The following RAB9B variants were observed in gnomAD, a reference collection of about 807,000 sequenced individuals.
RAB9B encodes ras-related protein Rab-9B.
In RAB9B, 1 loss-of-function variant was observed where a neutral mutation model predicts 8.9. That is an observed-to-expected ratio of 0.11 (90% CI 0.04 to 0.53). RAB9B has a LOEUF of 0.53. Among genes scored for constraint, RAB9B ranks in the 20% least tolerant of loss-of-function variants. The probability of loss-of-function intolerance (pLI) is 0.93; values close to 1 mark genes in which losing one functional copy is unlikely to be tolerated. For synonymous variants in RAB9B, 63 were observed against 57.0 expected (o/e 1.10, Z -0.47); for missense variants, 82 against 152.9 (o/e 0.54, Z 2.45).
the RAB9B span, among the ~76,000 whole-genome samples, chrX:103,788,276 T>C: frequency 8.9e-6 from 1 of 111,961 alleles, no homozygotes; most frequent in African/African-American, 3.2e-5. Context: ...TACCACCTTC[T>C]CTTTTTTGTA....
chrX:103,811,756 A>G, the RAB9B span, among the ~76,000 whole-genome samples: 5 of 111,248 alleles, frequency 4.5e-5, no homozygotes, highest in African/African-American at 1.3e-4. Context: ...TAATAACAAA[A>G]GCTAATGACT....
intron 1 of RAB9B, among the ~76,000 whole-genome samples, chrX:103,828,850 T>C (rs980902211): frequency 1.8e-5 from 2 of 112,049 alleles, no homozygotes; most frequent in African/African-American, 6.5e-5. Context: ...TGTGGTTCAG[T>C]GTCAAGAGCA....
the RAB9B span, chrX:103,790,443 A>G: frequency 2.9e-6 from 2 of 685,244 alleles, no homozygotes; most frequent in African/African-American, 4.3e-5. Flanking sequence ...TTTTATTTCT[A>G]CCCTTCCTCA....
the RAB9B span, among the ~76,000 whole-genome samples, chrX:103,783,451 G>C: frequency 8.9e-6 from 1 of 112,270 alleles, no homozygotes; most frequent in Non-Finnish European, 1.9e-5. Flanking sequence ...TGTTTGGCTT[G>C]GGCTTCTGAG....
At chrX:103,831,744 C>T (rs934627566) in intron 1 of RAB9B, among the ~76,000 whole-genome samples, 2 of 109,773 alleles carry the variant, frequency 1.8e-5, no homozygotes, top group Non-Finnish European at 3.8e-5. Flanking sequence ...CCCAGGTCCT[C>T]TCACCTCACC....
chrX:103,819,297 G>A (rs191491280), downstream of RAB9B, among the ~76,000 whole-genome samples: 87 of 111,943 alleles, frequency 7.8e-4, no homozygotes, highest in South Asian at 1.5e-3. Flanking sequence ...GTGTTATAGT[G>A]AGACCATTAT....
At chrX:103,813,771 A>AAAAAAAAG in the RAB9B span, among the ~76,000 whole-genome samples, 5 of 104,337 alleles carry the variant, frequency 4.8e-5, no homozygotes, top group Non-Finnish European at 9.8e-5. Context: ...AAAAAAAAAA[A>AAAAAAAAG]GCAGGAGTGG....
chrX:103,795,575 A>T, the RAB9B span, among the ~76,000 whole-genome samples: 1 of 112,215 alleles, frequency 8.9e-6, no homozygotes, highest in African/African-American at 3.2e-5. Context: ...GACCAACTTT[A>T]AAAAACAACA....
the RAB9B span, among the ~76,000 whole-genome samples, chrX:103,816,113 G>A: frequency 2.7e-5 from 3 of 111,392 alleles, no homozygotes; most frequent in African/African-American, 9.8e-5. Context: ...AAAAGAGCTC[G>A]CATAGCCAAG....
the RAB9B span, among the ~76,000 whole-genome samples, chrX:103,810,852 C>G: frequency 4.5e-5 from 5 of 112,165 alleles, no homozygotes; most frequent in Non-Finnish European, 9.4e-5. Context: ...CAAACAGTAC[C>G]TGACGCTGGG....
downstream of RAB9B, among the ~76,000 whole-genome samples, chrX:103,819,545 A>G (rs1282822084): frequency 9.0e-6 from 1 of 111,622 alleles, no homozygotes; most frequent in African/African-American, 3.3e-5. Flanking sequence ...GCTTATTTTC[A>G]CTGGGAAAAT....
the RAB9B span, among the ~76,000 whole-genome samples, chrX:103,785,369 G>T: frequency 8.9e-6 from 1 of 112,543 alleles, no homozygotes; most frequent in Non-Finnish European, 1.9e-5. Context: ...GAGCCACCGT[G>T]CCCGGCCAAA....
chrX:103,831,296 A>G (rs1239747548), intron 1 of RAB9B, among the ~76,000 whole-genome samples: 7 of 106,855 alleles, frequency 6.6e-5, no homozygotes, highest in African/African-American at 2.4e-4. Flanking sequence ...TAGCGCGGAA[A>G]CCCTCTGACG....
chrX:103,784,558 G>A, the RAB9B span, among the ~76,000 whole-genome samples: 1 of 111,928 alleles, frequency 8.9e-6, no homozygotes, highest in Non-Finnish European at 1.9e-5. Context: ...TGTAAACTAA[G>A]AAGAATCAAG....
rs896876243 is a variant in RAB9B at position 103,822,768 on chromosome X, G to C, written c.*2411C>G. 4.5e-5 allele frequency: 5 copies of C among 111,409 alleles called. No homozygotes were observed. The East Asian group carries it at 1.4e-3, about 31-fold the overall frequency. The allele number at this position is 111,409 out of a possible 1,213,427, so 9.2% of individuals were successfully genotyped here. On this transcript the variant is annotated 3_prime_UTR_variant, in exon 3 of 3. Coordinates refer to ENST00000243298, the MANE Select transcript of RAB9B (RefSeq NM_016370.4). ...TGGTACTCACAGATTTCAGCCTTTG[G>C]TGTTTTTTAATCTTACCCAAACTGT...
At chrX:103,780,437 CTCTGTGTGTGTG>C in the RAB9B span, among the ~76,000 whole-genome samples, 3 of 87,835 alleles carry the variant, frequency 3.4e-5, no homozygotes, top group African/African-American at 1.2e-4. Flanking sequence ...TTCTGTCTCT[CTCTGTGTGTGTG>C]TGTGTGTGTG....
chrX:103,782,279 C>T, the RAB9B span, among the ~76,000 whole-genome samples: 1 of 112,154 alleles, frequency 8.9e-6, no homozygotes, highest in Non-Finnish European at 1.9e-5. Context: ...TATCTAAAGT[C>T]ATTTATTTCA....
At chrX:103,827,458 G>A (rs1051424995) in intron 1 of RAB9B, among the ~76,000 whole-genome samples, 4 of 111,303 alleles carry the variant, frequency 3.6e-5, no homozygotes, top group Non-Finnish European at 7.5e-5. Flanking sequence ...AGTCGGAGAT[G>A]AAACTTCTTC....
the RAB9B span, among the ~76,000 whole-genome samples, chrX:103,798,924 G>A: frequency 1.8e-5 from 2 of 108,289 alleles, no homozygotes; most frequent in African/African-American, 3.4e-5. Flanking sequence ...ACAAGCGTGA[G>A]CCACCGAGCC....
Sources: allele counts gnomAD v4.1 joint callset (sites outside exome capture counted in the v4.1 genomes callset), GRCh38; gene constraint gnomAD v4.1.1; transcripts MANE v1.5; gene names NCBI Gene and HGNC (gene_info 2026-07-23, HGNC 2026-07-21).